Variants in COL26A1 observed in about 807,000 individuals in gnomAD.
COL26A1 encodes collagen alpha-1(XXVI) chain.
A neutral mutation model predicts 59.3 loss-of-function variants in COL26A1; 41 were observed. That is an observed-to-expected ratio of 0.69 (90% confidence interval 0.54 to 0.90). COL26A1 has a LOEUF of 0.90. COL26A1 is among the 40% of genes least tolerant of loss of function. The pLI, the probability that COL26A1 is intolerant of heterozygous loss-of-function variation, is 0.00. For missense variants in COL26A1, 612 were observed against 602.3 expected (o/e 1.02, Z -0.17); for synonymous variants, 266 against 256.0 (o/e 1.04, Z -0.37).
At chr7:101,393,034 G>A (rs764210111) in intron 1 of COL26A1, among the ~76,000 whole-genome samples, 2 of 144,510 alleles carry the variant, frequency 1.4e-5, no homozygotes, top group African/African-American at 2.6e-5. Flanking sequence ...ATGGAGTCTC[G>A]CTCTATTGCC....
chr7:101,550,121 A>C (rs1057372959), intron 9 of COL26A1, among the ~76,000 whole-genome samples: 3 of 152,086 alleles, frequency 2.0e-5, no homozygotes, highest in Non-Finnish European at 4.4e-5. Context: ...GGAATTATTG[A>C]GTTTCAGGGA....
chr7:101,554,865 A>C (rs1299016373), intron 11 of COL26A1, among the ~76,000 whole-genome samples: 1 of 152,054 alleles, frequency 6.6e-6, no homozygotes, highest in Non-Finnish European at 1.5e-5. Context: ...GGGACACGAC[A>C]CTGACATCCC....
At chr7:101,480,357 T>C (rs1794129364) in intron 3 of COL26A1, among the ~76,000 whole-genome samples, 1 of 152,210 alleles carries the variant, frequency 6.6e-6, no homozygotes, top group Admixed American at 6.6e-5. Context: ...TTTTCACTTC[T>C]ACCCTATTTT....
rs191288309 is a variant in COL26A1, at chr7:101,545,359, C to T, written c.725C>T (p.Pro242Leu). The change falls in exon 7 of 13, where the codon CCC (proline) becomes CTC (leucine). Residue 242 changes from proline to leucine, a missense_variant. Pro to Leu is a moderately conservative substitution (Grantham distance 98). Transcript: ENST00000313669. ...GPPGLLGPPGPRGLPGEMGRP... is the reference protein window; with the variant it reads ...GPPGLLGPPGLRGLPGEMGRP... ...GCAGGGCTCCTGGGGCCTCCAGGGC[C>T]CCGTGGGCTTCCTGGAGAGATGGGG... 27 of 1,581,802 alleles carry T rather than the reference C, an allele frequency of 1.7e-5. No homozygotes were observed. The East Asian group carries it at 5.6e-4, about 33-fold the overall frequency.
chr7:101,421,445 C>T (rs571761594), intron 2 of COL26A1, among the ~76,000 whole-genome samples: 201 of 152,130 alleles, frequency 1.3e-3, no homozygotes, highest in African/African-American at 4.5e-3. Flanking sequence ...GAGGATGAGG[C>T]GGGTGGATCA....
intron 3 of COL26A1, among the ~76,000 whole-genome samples, chr7:101,483,604 T>A (rs920889434): frequency 1.3e-5 from 2 of 151,756 alleles, no homozygotes; most frequent in Non-Finnish European, 2.9e-5. Flanking sequence ...AACTCCTGGG[T>A]TCAAGCCATC....
At chr7:101,456,412 C>T (rs62464267) in intron 3 of COL26A1, among the ~76,000 whole-genome samples, 66,224 of 151,142 alleles carry the variant, frequency 0.44, 15,240 homozygotes, top group Middle Eastern at 0.54. Context: ...CGGTGTCTCA[C>T]GCCTGTAATC....
In COL26A1 at chr7:101,510,902, T is replaced by TTTC. The variant is rs1563019744; in HGVS notation, c.386-22178_386-22177insCTT. Among the ~76,000 whole-genome samples the TTTC allele has an allele frequency of 4.0e-4, 31 of 77,958 alleles. No homozygotes were observed. The African/African-American group carries it at 4.1e-3, about 10-fold the overall frequency. The allele number at this position is 77,958 out of a possible 152,430, so 51.1% of individuals were successfully genotyped here. A position where few individuals can be genotyped will look rare whatever the true frequency, so the allele number is the denominator to read the frequency against. Reference sequence around the variant, plus strand: ...CTTTTTTCTTTTTCTTTCTTTCTTTTTTTTTTTTTTTTTTTTGAGACGGAG... The same window carrying TTTC: ...CTTTTTTCTTTTTCTTTCTTTCTTTTTTCTTTTTTTTTTTTTTTTGAGACGGAG... On this transcript the variant is annotated intron_variant, in intron 3 of 12. Transcript: ENST00000313669.
rs184027109 is a variant in COL26A1, at chr7:101,363,728, C to T, written c.158+538C>T. ...TTTCTTCGCTTCCCCAACCTTCGCC[C>T]CCTCGTTCCGGGCTCCGAGTAGAGG... On this transcript the variant is annotated intron_variant, in intron 1 of 12. Coordinates refer to ENST00000313669, the MANE Select transcript of COL26A1 (RefSeq NM_001278563.3). Among the ~76,000 whole-genome samples, 56 of 152,088 alleles carry T rather than the reference C, an allele frequency of 3.7e-4. No individual in the cohort carries two copies. In the East Asian group the frequency reaches 8.0e-3, roughly 22 times the overall value.
chr7:101,504,483 C>T (rs1029955301), intron 3 of COL26A1, among the ~76,000 whole-genome samples: 4 of 152,180 alleles, frequency 2.6e-5, no homozygotes, highest in Admixed American at 6.5e-5. Flanking sequence ...CCTGTCTATG[C>T]TCGCCTGATT....
intron 10 of COL26A1, among the ~76,000 whole-genome samples, chr7:101,551,370 G>T (rs1795859422): frequency 1.3e-5 from 2 of 152,212 alleles, no homozygotes; most frequent in Admixed American, 6.5e-5. Context: ...AGTGCCTGCA[G>T]CCCTGGATTA....
At chr7:101,406,350 C>T (rs1460364200) in intron 1 of COL26A1, among the ~76,000 whole-genome samples, 2 of 152,180 alleles carry the variant, frequency 1.3e-5, no homozygotes, top group African/African-American at 4.8e-5. Context: ...GTTACATACA[C>T]TCGGCTATTC....
intron 1 of COL26A1, among the ~76,000 whole-genome samples, chr7:101,395,320 C>T (rs1002176748): frequency 1.3e-5 from 2 of 152,196 alleles, no homozygotes; most frequent in Non-Finnish European, 2.9e-5. Context: ...AAATCTTTCT[C>T]GTAGGAAAAC....
In COL26A1 at chr7:101,510,027, C is replaced by CTTTTTTTTTTTTTTTTTTTTTT. The variant is rs3073374; in HGVS notation, c.386-23041_386-23040insTTTTTTTTTTTTTTTTTTTTTT. ...ATAGGCATAAGCCATCGCGCCCAGT[C>CTTTTTTTTTTTTTTTTTTTTTT]TTTTTTTTTTTTTTAAGAGGGTCTC... On this transcript the variant is annotated intron_variant, in intron 3 of 12. Coordinates refer to ENST00000313669, the MANE Select transcript of COL26A1 (RefSeq NM_001278563.3). Among the ~76,000 whole-genome samples the CTTTTTTTTTTTTTTTTTTTTTT allele has an allele frequency of 1.0e-3, 122 of 122,284 alleles. 18 individuals carry two copies. Among genetic ancestry groups the CTTTTTTTTTTTTTTTTTTTTTT allele is most frequent in the African/African-American group, 4.5e-3 (112 of 24,646 alleles). The allele number at this position is 122,284 out of a possible 152,430, so 80.2% of individuals were successfully genotyped here. A position where few individuals can be genotyped will look rare whatever the true frequency, so the allele number is the denominator to read the frequency against.
intron 2 of COL26A1, among the ~76,000 whole-genome samples, chr7:101,435,550 T>A (rs1792893978): frequency 6.6e-6 from 1 of 151,830 alleles, no homozygotes. Flanking sequence ...TCCTCTGGAG[T>A]GGATCACAGC....
chr7:101,520,661 CA>C (rs375324878), intron 3 of COL26A1, among the ~76,000 whole-genome samples: 6 of 150,108 alleles, frequency 4.0e-5, no homozygotes, highest in African/African-American at 1.5e-4. Context: ...CACACACACA[CA>C]CCCCCGTGTT....
intron 3 of COL26A1, among the ~76,000 whole-genome samples, chr7:101,483,675 C>CT (rs34954444): frequency 0.41 from 59,958 of 147,436 alleles, 12,659 homozygotes; most frequent in Middle Eastern, 0.49. Flanking sequence ...GTCCAGCTAA[C>CT]TTTGTTTTTT....
intron 8 of COL26A1, 64 bp downstream of exon 8, chr7:101,547,303 G>A: frequency 8.8e-7 from 1 of 1,137,726 alleles, no homozygotes; most frequent in Non-Finnish European, 1.3e-6. Context: ...CCTGAGCCAT[G>A]GGGCCTTGAG....
Position 101,364,422 on chromosome 7 carries a change from G to A in COL26A1, c.158+1232G>A, listed in dbSNP as rs866406960. On this transcript the variant is annotated intron_variant, in intron 1 of 12. Coordinates refer to ENST00000313669, the MANE Select transcript of COL26A1 (RefSeq NM_001278563.3). ...ACTCCTGGGCTCAAGCGATCCTCCC[G>A]CCTTGGCCTCCCAATCTCCATTTCT... Among the ~76,000 whole-genome samples, 5 of 151,754 alleles carry A rather than the reference G, an allele frequency of 3.3e-5. No individual in the cohort carries two copies. In the South Asian group the frequency reaches 8.3e-4, roughly 25 times the overall value.
Sources: allele counts gnomAD v4.1 joint callset (sites outside exome capture counted in the v4.1 genomes callset), GRCh38; gene constraint gnomAD v4.1.1; transcripts MANE v1.5; gene names NCBI Gene and HGNC (gene_info 2026-07-23, HGNC 2026-07-21).